NSD1: variants seen among roughly 807,000 people sequenced by gnomAD.
NSD1 encodes nuclear receptor binding SET domain protein 1.
NSD1 carries 26 observed loss-of-function variants against 242.7 expected under a neutral mutation model. The ratio of observed to expected loss-of-function variants is 0.11; its 90% CI spans 0.08 to 0.15. The LOEUF (loss-of-function observed/expected upper bound fraction) is 0.15. Among genes scored for constraint, NSD1 ranks in the 10% least tolerant of loss-of-function variants. The pLI, the probability that NSD1 is intolerant of heterozygous loss-of-function variation, is 1.00. For missense variants in NSD1, 2,495 were observed against 3,272.8 expected, an observed-to-expected ratio of 0.76 and a Z score of 5.80; for synonymous variants, 1,106 against 1,178.1, an observed-to-expected ratio of 0.94 and a Z score of 1.25.
rs769311050 is a variant in NSD1 at position 177,280,841 on chromosome 5, A to G, written c.5892+7A>G. ...AAAAACAGATATTAAAAAGGTTAGA[A>G]AAAGCTAAATTACCATATACTTTCT... On this transcript the variant is annotated splice_region_variant and intron_variant, in intron 18 of 22. Transcript: ENST00000439151. 3 of 1,614,140 alleles carry G rather than the reference A, an allele frequency of 1.9e-6. No homozygotes were observed. The highest frequency in any genetic ancestry group is 3.3e-5 in the Admixed American group (2 of 60,026).
At chr5:177,258,316 T>C (rs1287129545) in intron 13 of NSD1, among the ~76,000 whole-genome samples, 1 of 151,814 alleles carries the variant, frequency 6.6e-6, no homozygotes, top group East Asian at 1.9e-4. Context: ...TGTGATATCA[T>C]TCAGAAATGC....
At position 177,296,472 on chromosome 5, in the gene NSD1, C is replaced by A; in HGVS notation, c.*1013C>A. On this transcript the variant is annotated 3_prime_UTR_variant, in exon 23 of 23. Coordinates refer to ENST00000439151, the MANE Select transcript of NSD1 (RefSeq NM_022455.5). ...GTGGACATAGGGAATCTCTGGCAAGCTCTGAGCTAGACACACCAGCTTCAG... is the reference window on the plus strand; with the variant it reads ...GTGGACATAGGGAATCTCTGGCAAGATCTGAGCTAGACACACCAGCTTCAG... The A allele has an allele frequency of 4.3e-6, 1 of 233,348 alleles. No individual in the cohort carries two copies. Among genetic ancestry groups the A allele is most frequent in the Non-Finnish European group, 8.5e-6 (1 of 118,086 alleles). The allele number at this position is 233,348 out of a possible 1,614,324, so 14.5% of individuals were successfully genotyped here.
At chr5:177,194,595 T>TG (rs1399006929) in intron 3 of NSD1, among the ~76,000 whole-genome samples, 3 of 145,838 alleles carry the variant, frequency 2.1e-5, no homozygotes, top group Non-Finnish European at 4.5e-5. Context: ...TTTTTTTTTT[T>TG]TTTTTTTAAA....
intron 5 of NSD1, among the ~76,000 whole-genome samples, chr5:177,225,976 A>AT (rs1471059031): frequency 3.9e-5 from 6 of 152,052 alleles, no homozygotes; most frequent in Non-Finnish European, 8.8e-5. Flanking sequence ...TTGTACCTTG[A>AT]TTTTTTTGTT....
At position 177,186,058 on chromosome 5, in the gene NSD1, CATATAATATATGTTATATATA is replaced by C. The variant is rs1221469713; in HGVS notation, c.928-5820_928-5800del. ...TTTATATATATAATATATAATATAA[CATATAATATATGTTATATATA>C]ATATATTATATATAACATATATTAT... On this transcript the variant is annotated intron_variant, in intron 2 of 22. Transcript: ENST00000439151. Among the ~76,000 whole-genome samples, 105 of 96,604 alleles carry C rather than the reference CATATAATATATGTTATATATA, an allele frequency of 1.1e-3. 1 individual carries two copies. The highest frequency in any genetic ancestry group is 3.8e-3 in the African/African-American group (96 of 25,312). 63.4% of individuals were successfully genotyped at this position (96,604 alleles called of 152,430 possible). A position where few individuals can be genotyped will look rare whatever the true frequency, so the allele number is the denominator to read the frequency against.
At chr5:177,225,744 A>G (rs1764586529) in intron 5 of NSD1, among the ~76,000 whole-genome samples, 1 of 152,162 alleles carries the variant, frequency 6.6e-6, no homozygotes, top group South Asian at 2.1e-4. Context: ...CGTTCATTAT[A>G]TTTCAAATAT....
chr5:177,140,352 T>A (rs1213816888), intron 2 of NSD1, among the ~76,000 whole-genome samples: 3 of 152,104 alleles, frequency 2.0e-5, no homozygotes, highest in Non-Finnish European at 1.5e-5. Context: ...GTAGGATGGA[T>A]GTAGTCAGGT....
At chr5:177,234,139 A>G (rs1429061752) in intron 5 of NSD1, among the ~76,000 whole-genome samples, 2 of 152,242 alleles carry the variant, frequency 1.3e-5, no homozygotes, top group Admixed American at 6.5e-5. Flanking sequence ...AATGTGTAAC[A>G]TCCTTACATA....
intron 12 of NSD1, among the ~76,000 whole-genome samples, chr5:177,256,028 C>T (rs1029910375): frequency 6.6e-6 from 1 of 152,194 alleles, no homozygotes; most frequent in East Asian, 1.9e-4. Context: ...TAATGTATAG[C>T]GAGAATATGT....
chr5:177,289,423 A>G (rs1759600745), intron 21 of NSD1, among the ~76,000 whole-genome samples: 1 of 152,020 alleles, frequency 6.6e-6, no homozygotes, highest in Admixed American at 6.6e-5. Flanking sequence ...GTTTTTGGGG[A>G]TATTGTTGAA....
chr5:177,218,526 C>T (rs77493884), intron 5 of NSD1, among the ~76,000 whole-genome samples: 14 of 150,536 alleles, frequency 9.3e-5, no homozygotes, highest in Non-Finnish European at 2.1e-4. Context: ...TTTGAACCAT[C>T]GTTGCATTCC....
At position 177,210,533 on chromosome 5, in the gene NSD1, T is replaced by C; in HGVS notation, c.2134T>C (p.Leu712=). The C allele has an allele frequency of 3.7e-6, 6 of 1,614,182 alleles. No individual in the cohort carries two copies. The highest frequency in any genetic ancestry group is 5.1e-6 in the Non-Finnish European group (6 of 1,180,028). ...CATTAGTAACTCACATACAGACCAC[T>C]TAATGGGTTGTACTAAGAGTGCAGA... ...PLISNSHTDH[L]MGCTKSAEPG... is the part of the protein sequence containing the mutation. The change falls in exon 5 of 23, where the codon TTA becomes CTA. Residue 712 remains leucine (L), a synonymous_variant. Transcript: ENST00000439151.
Position 177,181,289 on chromosome 5 carries a change from GA to G in NSD1, c.928-10591del. On this transcript the variant is annotated intron_variant, in intron 2 of 22. Coordinates refer to ENST00000439151, the MANE Select transcript of NSD1 (RefSeq NM_022455.5). ...CAGTGACAGAGCAAGACTGTCTCCA[GA>G]AAACACCCAAAAAGAGAGAAAGAAG... Among the ~76,000 whole-genome samples the G allele has an allele frequency of 2.6e-5, 4 of 152,006 alleles. No homozygotes were observed. The Middle Eastern group carries it at 0.014, about 517-fold the overall frequency.
In NSD1 at chr5:177,241,623, T is replaced by C. The variant is rs147802156; in HGVS notation, c.4302+1758T>C. 2.6e-5 allele frequency among the ~76,000 whole-genome samples: 4 copies of C among 152,296 alleles called. No homozygotes were observed. The East Asian group carries it at 7.7e-4, about 29-fold the overall frequency. ...CTCTTCGTCACGGTTGAATTTTTACTTTTGGGGAGAGGGGGTTGCCGTTAA... is the reference window on the plus strand; with the variant it reads ...CTCTTCGTCACGGTTGAATTTTTACCTTTGGGGAGAGGGGGTTGCCGTTAA... On this transcript the variant is annotated intron_variant, in intron 8 of 22. Coordinates refer to ENST00000439151, the MANE Select transcript of NSD1 (RefSeq NM_022455.5).
intron 5 of NSD1, among the ~76,000 whole-genome samples, chr5:177,233,788 C>T (rs140520451): frequency 9.9e-5 from 15 of 152,188 alleles, no homozygotes; most frequent in Admixed American, 2.0e-4. Context: ...GAAAACTCTT[C>T]GGCTCATCCT....
rs756456036 is a variant in NSD1 at position 177,260,106 on chromosome 5, C to T, written c.5084C>T (p.Pro1695Leu). 1.2e-6 allele frequency: 2 copies of T among 1,614,150 alleles called. No individual in the cohort carries two copies. The highest frequency in any genetic ancestry group is 1.7e-6 in the Non-Finnish European group (2 of 1,180,030). The change falls in exon 14 of 23, where the codon CCT becomes CTT. Residue 1695 changes from proline (P) to leucine (L), a missense_variant. Transcript: ENST00000439151. The part of the protein sequence containing the change: ...NSIICPNHFT[P>L]RRGCRNHEHV... ...ATCATCTGCCCTAATCACTTTACCC[C>T]TAGGCGGGGCTGCCGAAATCATGAG... is the stretch of plus-strand genomic sequence containing the variant.
chr5:177,288,972 C>G lies in NSD1; in HGVS notation c.6258+47C>G, dbSNP rs187713824. 78 of 1,292,156 alleles carry G rather than the reference C, an allele frequency of 6.0e-5. No homozygotes were observed. In the East Asian group the frequency reaches 1.7e-3, roughly 27 times the overall value. 80.0% of individuals were successfully genotyped at this position (1,292,156 alleles called of 1,614,324 possible). The stretch of plus-strand genomic sequence containing the variant: ...GCTTTGGGATTAGTGGTGCGGTCCT[C>G]CCTCCCTAACAGTGTTAGGGCAGTC... On this transcript the variant is annotated intron_variant, in intron 21 of 22. Transcript: ENST00000439151.
intron 9 of NSD1, among the ~76,000 whole-genome samples, chr5:177,244,855 G>T (rs752864588): frequency 2.5e-4 from 38 of 152,202 alleles, no homozygotes; most frequent in Non-Finnish European, 4.6e-4. Context: ...TTTTAGCTAT[G>T]TGACAATTGT....
chr5:177,146,169 C>T (rs999216807), intron 2 of NSD1, among the ~76,000 whole-genome samples: 5 of 149,162 alleles, frequency 3.4e-5, no homozygotes, highest in African/African-American at 1.2e-4. Flanking sequence ...TAATACCACA[C>T]AACCAGAATA....
Sources: gnomAD v4.1 joint callset for allele counts (sites outside exome capture counted in the v4.1 genomes callset) on GRCh38, gnomAD v4.1.1 for gene constraint, MANE v1.5 for transcripts, NCBI Gene and HGNC (gene_info 2026-07-23, HGNC 2026-07-21) for gene names.